The following RNGTT variants were observed in gnomAD, a reference collection of about 807,000 sequenced individuals.
RNGTT encodes the protein mRNA-capping enzyme.
A neutral mutation model predicts 79.3 loss-of-function variants in RNGTT; 33 were observed. That is an observed-to-expected ratio of 0.42 (90% CI 0.32 to 0.56). The LOEUF (loss-of-function observed/expected upper bound fraction) is 0.56. Among genes scored for constraint, RNGTT ranks in the 20% least tolerant of loss-of-function variants. The pLI, the probability that RNGTT is intolerant of heterozygous loss-of-function variation, is 0.17. For synonymous variants in RNGTT, 222 were observed against 235.9 expected, an observed-to-expected ratio of 0.94 and a Z score of 0.54; for missense variants, 497 against 739.1, an observed-to-expected ratio of 0.67 and a Z score of 3.80.
chr6:88,863,090 A>AC (rs1230053191), intron 8 of RNGTT, among the ~76,000 whole-genome samples: 4 of 152,220 alleles, frequency 2.6e-5, no homozygotes, highest in Admixed American at 6.5e-5. Context: ...GTGATCACTT[A>AC]CATGAACACA....
rs1325557778 is a variant in RNGTT, at chr6:88,835,974, A to AC, written c.1269+8382_1269+8383insG. Among the ~76,000 whole-genome samples the AC allele has an allele frequency of 3.2e-3, 360 of 112,882 alleles. 5 individuals carry two copies. The highest frequency in any genetic ancestry group is 0.012 in the African/African-American group (337 of 28,146). The allele number at this position is 112,882 out of a possible 152,430, so 74.1% of individuals were successfully genotyped here. On this transcript the variant is annotated intron_variant, in intron 11 of 15. Transcript: ENST00000369485. ...TACAGCAAGACTCTGTCTCTATTAA[A>AC]AACACACACACACACACACACACAC... is the stretch of plus-strand genomic sequence containing the variant.
At chr6:88,834,039 T>TAA (rs1780976453) in intron 11 of RNGTT, among the ~76,000 whole-genome samples, 1 of 152,082 alleles carries the variant, frequency 6.6e-6, no homozygotes, top group South Asian at 2.1e-4. Context: ...GAATAAAAAA[T>TAA]AAAATAAAAT....
chr6:88,881,584 C>T (rs1406716205), intron 8 of RNGTT, among the ~76,000 whole-genome samples: 1 of 152,096 alleles, frequency 6.6e-6, no homozygotes, highest in Non-Finnish European at 1.5e-5. Flanking sequence ...ACAATTTTTG[C>T]CAATTATCTC....
chr6:88,686,817 C>T lies in RNGTT; in HGVS notation c.1440-8398G>A, dbSNP rs77038311. Among the ~76,000 whole-genome samples, 7 of 152,132 alleles carry T rather than the reference C, an allele frequency of 4.6e-5. No individual in the cohort carries two copies. The East Asian group carries it at 1.2e-3, about 25-fold the overall frequency. ...AAGAGATAGACTAAGATCCAAACTT[C>T]GCACAAGTCACAAGAATAAACTCCA... On this transcript the variant is annotated intron_variant, in intron 13 of 15. Coordinates refer to ENST00000369485, the MANE Select transcript of RNGTT (RefSeq NM_003800.5).
At chr6:88,698,260 AATATATATG>A (rs1775807397) in intron 13 of RNGTT, among the ~76,000 whole-genome samples, 2 of 95,428 alleles carry the variant, frequency 2.1e-5, no homozygotes, top group South Asian at 2.8e-4. Flanking sequence ...TATATATATA[AATATATATG>A]ATATATATAT....
At chr6:88,945,220 C>G (rs1454635904) in intron 1 of RNGTT, among the ~76,000 whole-genome samples, 8 of 151,370 alleles carry the variant, frequency 5.3e-5, no homozygotes, top group Non-Finnish European at 2.9e-5. Flanking sequence ...TTAGACAGGT[C>G]TCAGAGCCAT....
At chr6:88,826,594 G>C (rs566319862) in intron 11 of RNGTT, among the ~76,000 whole-genome samples, 2 of 151,752 alleles carry the variant, frequency 1.3e-5, no homozygotes, top group Admixed American at 1.3e-4. Context: ...GACTAGCCTG[G>C]CCAACATGGA....
At chr6:88,802,028 T>C (rs962958413) in intron 11 of RNGTT, among the ~76,000 whole-genome samples, 1 of 151,954 alleles carries the variant, frequency 6.6e-6, no homozygotes, top group African/African-American at 2.4e-5. Context: ...CTCTGGAAAG[T>C]AATAGATAAA....
intron 14 of RNGTT, among the ~76,000 whole-genome samples, chr6:88,652,970 C>T (rs1166469629): frequency 6.6e-6 from 1 of 152,126 alleles, no homozygotes; most frequent in Admixed American, 6.6e-5. Flanking sequence ...AAGTAAAATG[C>T]ATAACTTCTA....
chr6:88,911,666 G>A (rs1783833675), intron 4 of RNGTT, among the ~76,000 whole-genome samples: 1 of 152,074 alleles, frequency 6.6e-6, no homozygotes, highest in Non-Finnish European at 1.5e-5. Flanking sequence ...GGCAAACAAC[G>A]AAATTAAGAA....
chr6:88,945,341 T>C (rs370098580), intron 1 of RNGTT, among the ~76,000 whole-genome samples: 1 of 152,202 alleles, frequency 6.6e-6, no homozygotes, highest in Non-Finnish European at 1.5e-5. Flanking sequence ...CTGAAAATAT[T>C]TGTCACAGTC....
intron 6 of RNGTT, among the ~76,000 whole-genome samples, chr6:88,901,119 G>A (rs1416464173): frequency 6.6e-6 from 1 of 151,216 alleles, no homozygotes; most frequent in African/African-American, 2.4e-5. Flanking sequence ...TCCAGCCTTG[G>A]TGACAGAGCT....
In RNGTT at chr6:88,891,918, T is replaced by G; in HGVS notation, c.685-3A>C. On this transcript the variant is annotated splice_region_variant and splice_polypyrimidine_tract_variant and intron_variant, in intron 6 of 15. Transcript: ENST00000369485. The stretch of plus-strand genomic sequence containing the variant: ...ACACCTTCCAAGAAAATAGCGCCCT[T>G]TAAAAAAAAAATAAGAAAAATAAGG... 3.3e-6 allele frequency: 5 copies of G among 1,533,816 alleles called. No individual in the cohort carries two copies. The highest frequency in any genetic ancestry group is 4.4e-6 in the Non-Finnish European group (5 of 1,144,440).
At chr6:88,665,361 G>A (rs1774359417) in intron 14 of RNGTT, among the ~76,000 whole-genome samples, 1 of 152,116 alleles carries the variant, frequency 6.6e-6, no homozygotes, top group African/African-American at 2.4e-5. Flanking sequence ...AGGTATCCAG[G>A]TTCATCTTAA....
At chr6:88,882,571 A>G (rs1465490119) in intron 8 of RNGTT, among the ~76,000 whole-genome samples, 1 of 152,234 alleles carries the variant, frequency 6.6e-6, no homozygotes, top group East Asian at 1.9e-4. Context: ...AAATTCAAAA[A>G]TTCAACAAGT....
At chr6:88,821,024 A>G (rs141519361) in intron 11 of RNGTT, among the ~76,000 whole-genome samples, 4 of 152,266 alleles carry the variant, frequency 2.6e-5, no homozygotes, top group African/African-American at 9.6e-5. Flanking sequence ...GAAGAATAAG[A>G]GCAACAACTG....
intron 14 of RNGTT, among the ~76,000 whole-genome samples, chr6:88,644,737 A>G (rs1172706635): frequency 1.3e-5 from 2 of 152,204 alleles, no homozygotes; most frequent in African/African-American, 4.8e-5. Context: ...TATAAACAGA[A>G]CCAAAGACAA....
At chr6:88,949,121 T>TA (rs1388854527) in intron 1 of RNGTT, among the ~76,000 whole-genome samples, 3 of 25,102 alleles carry the variant, frequency 1.2e-4, no homozygotes, top group South Asian at 1.0e-3. Context: ...AAAAATAAAT[T>TA]AAAAAAAATA....
intron 14 of RNGTT, among the ~76,000 whole-genome samples, chr6:88,638,382 C>A (rs1299539300): frequency 6.6e-6 from 1 of 152,080 alleles, no homozygotes; most frequent in Non-Finnish European, 1.5e-5. Flanking sequence ...CATGCCTCAT[C>A]CCATGCAAGC....
Sources: allele counts gnomAD v4.1 joint callset (sites outside exome capture counted in the v4.1 genomes callset), GRCh38; gene constraint gnomAD v4.1.1; transcripts MANE v1.5; gene names NCBI Gene and HGNC (gene_info 2026-07-23, HGNC 2026-07-21).